UBAP2: variants seen among roughly 807,000 people sequenced by gnomAD.
UBAP2 encodes ubiquitin associated protein 2.
UBAP2 carries 75 observed loss-of-function variants against 139.6 expected under a neutral mutation model. The observed-to-expected ratio is 0.54, with a 90% CI of 0.45 to 0.65. The LOEUF is 0.65. Ranked by LOEUF, UBAP2 falls within the 30% of genes least tolerant of loss-of-function variation. UBAP2 has a pLI of 0.00. For synonymous variants in UBAP2, 526 were observed against 526.2 expected, an observed-to-expected ratio of 1.00 and a Z score of 0.01; for missense variants, 1,368 against 1,369.6, an observed-to-expected ratio of 1.00 and a Z score of 0.02.
At chr9:33,969,481 C>A (rs1827728456) in intron 8 of UBAP2, among the ~76,000 whole-genome samples, 1 of 151,260 alleles carries the variant, frequency 6.6e-6, no homozygotes, top group Admixed American at 6.6e-5. Context: ...CCCAATGGTT[C>A]AAGGCTACAG....
At chr9:34,034,718 C>A (rs1443021517) in intron 1 of UBAP2, among the ~76,000 whole-genome samples, 1 of 151,910 alleles carries the variant, frequency 6.6e-6, no homozygotes, top group African/African-American at 2.4e-5. Flanking sequence ...ACTAAAAATA[C>A]AAAAATTAGC....
chr9:34,005,303 C>T (rs969383442), intron 2 of UBAP2, among the ~76,000 whole-genome samples: 4 of 149,708 alleles, frequency 2.7e-5, no homozygotes, highest in Non-Finnish European at 3.0e-5. Context: ...GGCATGGTGG[C>T]GCATACCTGT....
chr9:34,016,252 G>GAAGAGA (rs1321981448), intron 2 of UBAP2, among the ~76,000 whole-genome samples: 8 of 20,566 alleles, frequency 3.9e-4, no homozygotes, highest in Non-Finnish European at 1.2e-3. Context: ...GGAAGAGGAG[G>GAAGAGA]AGGAGGAAGA....
At chr9:34,020,382 T>G (rs539659471) in intron 1 of UBAP2, among the ~76,000 whole-genome samples, 105 of 151,566 alleles carry the variant, frequency 6.9e-4, no homozygotes, top group Non-Finnish European at 1.3e-3. Flanking sequence ...GTGCAACGAA[T>G]AGTGCGATCT....
intron 2 of UBAP2, among the ~76,000 whole-genome samples, chr9:34,002,419 C>T (rs1222569690): frequency 2.7e-5 from 4 of 150,250 alleles, no homozygotes; most frequent in Admixed American, 2.7e-4. Flanking sequence ...CGCTCTGTCG[C>T]CCAGGCTGGA....
rs1564064030 is a variant in UBAP2 at position 34,016,248 on chromosome 9, GGAGGA to G, written c.99+797_99+801del. Among the ~76,000 whole-genome samples, 174 of 129,748 alleles carry G rather than the reference GGAGGA, an allele frequency of 1.3e-3. 4 individuals carry two copies. The highest frequency in any genetic ancestry group is 1.0e-2 in the East Asian group (45 of 4,504). The allele number at this position is 129,748 out of a possible 152,430, so 85.1% of individuals were successfully genotyped here. A position where few individuals can be genotyped will look rare whatever the true frequency, so the allele number is the denominator to read the frequency against. On this transcript the variant is annotated intron_variant, in intron 2 of 28. Coordinates refer to ENST00000379238, the MANE Select transcript of UBAP2 (RefSeq NM_001370062.2). ...AGGAGGAAGAGGAAGGGGAGGAAGA[GGAGGA>G]GGAGGAAGAGGAGGAAGAGAAGGAG...
chr9:34,017,533 C>A (rs1413553532), intron 1 of UBAP2, among the ~76,000 whole-genome samples: 1 of 152,172 alleles, frequency 6.6e-6, no homozygotes, highest in Admixed American at 6.6e-5. Flanking sequence ...CAACATTGCA[C>A]CCAGCCAAGA....
In UBAP2 at chr9:33,924,228, G is replaced by C. The variant is rs956020945; in HGVS notation, c.2568C>G (p.Ser856Arg). ...CACCTGGATATGGATTATTAGCTAG[G>C]CTCCCATCTCGGCTGGCAAGCGCTG... is the stretch of plus-strand genomic sequence containing the variant. ...APTALASRDG[S>R]LANNPYPGDV... Residue 856 changes from serine to arginine, a missense_variant, in exon 23 of 29, where the codon AGC (serine) becomes AGG (arginine). Transcript: ENST00000379238. The C allele has an allele frequency of 2.5e-6, 4 of 1,614,074 alleles. No individual in the cohort carries two copies. The African/African-American group carries it at 5.3e-5, about 22-fold the overall frequency.
At chr9:33,940,648 G>T (rs1825124436) in intron 16 of UBAP2, among the ~76,000 whole-genome samples, 1 of 152,126 alleles carries the variant, frequency 6.6e-6, no homozygotes, top group South Asian at 2.1e-4. Context: ...ACATGGCAAT[G>T]CATGTCTGTA....
chr9:34,019,127 G>A (rs1386338699), intron 1 of UBAP2, among the ~76,000 whole-genome samples: 6 of 152,084 alleles, frequency 3.9e-5, no homozygotes, highest in South Asian at 2.1e-4. Flanking sequence ...AGGCTAGGGT[G>A]CAGTGGCTCA....
At chr9:34,013,152 CAAAAAA>C (rs398010658) in intron 2 of UBAP2, among the ~76,000 whole-genome samples, 2 of 78,310 alleles carry the variant, frequency 2.6e-5, no homozygotes, top group African/African-American at 1.1e-4. Flanking sequence ...GACTCTAGCT[CAAAAAA>C]AAAAAAAAAA....
intron 20 of UBAP2, among the ~76,000 whole-genome samples, chr9:33,927,327 G>A (rs745532): frequency 0.4 from 60,974 of 151,942 alleles, 12,508 homozygotes; most frequent in South Asian, 0.48. Flanking sequence ...CTTTCCCCCA[G>A]TCCCTAAGGT....
intron 10 of UBAP2, among the ~76,000 whole-genome samples, chr9:33,956,944 T>C (rs1472060294): frequency 6.6e-6 from 1 of 151,046 alleles, no homozygotes; most frequent in African/African-American, 2.4e-5. Flanking sequence ...AAAAAAAAAA[T>C]TGGCTGGTCG....
chr9:33,994,052 A>G (rs1013200396), intron 4 of UBAP2, among the ~76,000 whole-genome samples: 5 of 151,554 alleles, frequency 3.3e-5, no homozygotes, highest in Non-Finnish European at 5.9e-5. Flanking sequence ...CCACCACCAC[A>G]CCTGGCTAAT....
At chr9:33,984,325 A>G (rs766691376) in intron 6 of UBAP2, among the ~76,000 whole-genome samples, 4 of 152,114 alleles carry the variant, frequency 2.6e-5, no homozygotes, top group Non-Finnish European at 1.5e-5. Context: ...CAATACAAGG[A>G]ATCTAAACAA....
intron 2 of UBAP2, among the ~76,000 whole-genome samples, chr9:34,002,706 T>C (rs1218645481): frequency 6.6e-6 from 1 of 151,866 alleles, no homozygotes; most frequent in Non-Finnish European, 1.5e-5. Context: ...AGGGTTTCAT[T>C]GTGTCGGCTA....
chr9:34,033,954 T>C (rs146549343), intron 1 of UBAP2, among the ~76,000 whole-genome samples: 12,018 of 152,090 alleles, frequency 0.079, 681 homozygotes, highest in Non-Finnish European at 0.12. Flanking sequence ...CAAGCTGTTC[T>C]TGAACTCCTG....
chr9:33,989,234 G>A (rs1307667723), intron 4 of UBAP2, 108 bp from the exon 5 acceptor site: 9 of 1,277,306 alleles, frequency 7.0e-6, no homozygotes, highest in Admixed American at 7.5e-5. Context: ...ACGGAGTCTC[G>A]CTCTGTCGCC....
intron 4 of UBAP2, among the ~76,000 whole-genome samples, chr9:33,993,796 T>C (rs1371462600): frequency 6.6e-6 from 1 of 152,188 alleles, no homozygotes; most frequent in African/African-American, 2.4e-5. Flanking sequence ...GCTATTTTCT[T>C]ATCTTTGAAG....
Sources: allele counts gnomAD v4.1 joint callset (sites outside exome capture counted in the v4.1 genomes callset), GRCh38; gene constraint gnomAD v4.1.1; transcripts MANE v1.5; gene names NCBI Gene and HGNC (gene_info 2026-07-23, HGNC 2026-07-21).